The following CYP20A1 variants were observed in gnomAD, a reference collection of about 807,000 sequenced individuals.
CYP20A1 encodes the protein cytochrome P450 20A1.
Under a neutral mutation model 61.4 loss-of-function variants are expected in CYP20A1, and 61 were observed. That is an observed-to-expected ratio of 0.99 (90% CI 0.81 to 1.23). The LOEUF (loss-of-function observed/expected upper bound fraction) is 1.23. Among genes scored for constraint, CYP20A1 ranks in the 50% most tolerant of loss-of-function variants. The pLI is 0.00. For synonymous variants in CYP20A1, 193 were observed against 188.2 expected (o/e 1.03, Z -0.21); for missense variants, 530 against 542.4 (o/e 0.98, Z 0.23).
chr2:203,257,820 T>G (rs1041691416), intron 4 of CYP20A1, among the ~76,000 whole-genome samples: 1 of 149,524 alleles, frequency 6.7e-6, no homozygotes, highest in Non-Finnish European at 1.5e-5. Context: ...GGTTACTTAG[T>G]AGGTGTATAT....
chr2:203,296,760 T>C lies in CYP20A1; in HGVS notation c.1241T>C (p.Phe414Ser). 3.2e-6 allele frequency: 5 copies of C among 1,582,804 alleles called. No individual in the cohort carries two copies. The highest frequency in any genetic ancestry group is 4.3e-6 in the Non-Finnish European group (5 of 1,171,760). Residue 414 changes from phenylalanine (F) to serine (S), a missense_variant and splice_region_variant, in exon 13 of 13, where the codon TTT (phenylalanine) becomes TCT (serine). Physicochemically the swap from Phe to Ser is radical, Grantham distance 155 (BLOSUM62 -2). Transcript: ENST00000356079. ...TAATTGACTTTCTTCCTGACTAGGT[T>C]TGCATATATGGTGACCACAGTACTT... ...SGTQECPELR[F>S]AYMVTTVLLS...
intron 3 of CYP20A1, 149 bp from the exon 4 acceptor site, chr2:203,251,818 A>ATATATATAT (rs34132653): frequency 0.013 from 1,029 of 77,556 alleles, 39 homozygotes; most frequent in Non-Finnish European, 0.02. Flanking sequence ...TATATATATA[A>ATATATATAT]AAAATAAAAA....
chr2:203,248,665 T>G (rs942624273), intron 3 of CYP20A1, among the ~76,000 whole-genome samples: 3 of 152,198 alleles, frequency 2.0e-5, no homozygotes, highest in South Asian at 2.1e-4. Flanking sequence ...AATAAATGTT[T>G]TGGGGAATAT....
At chr2:203,287,215 CAAAAAAAAA>C (rs1168549640) in intron 9 of CYP20A1, among the ~76,000 whole-genome samples, 2 of 47,052 alleles carry the variant, frequency 4.3e-5, no homozygotes, top group South Asian at 1.1e-3. Flanking sequence ...GACCCTATCT[CAAAAAAAAA>C]AAAAAAAAAA....
chr2:203,246,823 G>T lies in CYP20A1; in HGVS notation c.191G>T (p.Arg64Ile). 1 of 1,614,124 alleles carries T rather than the reference G, an allele frequency of 6.2e-7. No homozygotes were observed. ...LHEFLVNLHE[R>I]YGPVVSFWFG... ...GAGTTCCTGGTTAATTTGCATGAGAGATATGGGCCTGTGGTCTCCTTCTGG... is the reference window on the plus strand; with the variant it reads ...GAGTTCCTGGTTAATTTGCATGAGATATATGGGCCTGTGGTCTCCTTCTGG... The change falls in exon 3 of 13, where the codon AGA (arginine) becomes ATA (isoleucine). Residue 64 changes from arginine to isoleucine, a missense_variant. Arg to Ile is a moderately conservative substitution (Grantham distance 97, BLOSUM62 -3). Coordinates refer to ENST00000356079, the MANE Select transcript of CYP20A1 (RefSeq NM_177538.3).
At chr2:203,287,215 CAAAAAAAA>C (rs1168549640) in intron 9 of CYP20A1, among the ~76,000 whole-genome samples, 8 of 47,070 alleles carry the variant, frequency 1.7e-4, no homozygotes, top group African/African-American at 4.5e-4. Flanking sequence ...GACCCTATCT[CAAAAAAAA>C]AAAAAAAAAA....
At chr2:203,285,497 G>A in intron 8 of CYP20A1, 115 bp from the exon 9 acceptor site, 1 of 1,182,632 alleles carries the variant, frequency 8.5e-7, no homozygotes, top group South Asian at 2.1e-5. Flanking sequence ...TCTATATCAT[G>A]GGAGAAAAAA....
chr2:203,288,566 C>G lies in CYP20A1; in HGVS notation c.972-1199C>G, dbSNP rs2068399333. ...GTATCTCTTGTTTATTGTTGTAGCT[C>G]AGTATCTAGCACAGTGCTTCACATG... On this transcript the variant is annotated intron_variant, in intron 9 of 12. Coordinates refer to ENST00000356079, the MANE Select transcript of CYP20A1 (RefSeq NM_177538.3). 2.0e-5 allele frequency among the ~76,000 whole-genome samples: 3 copies of G among 152,104 alleles called. No homozygotes were observed. In the South Asian group the frequency reaches 6.2e-4, roughly 32 times the overall value.
rs765193828 is a variant in CYP20A1 at position 203,285,623 on chromosome 2, G to A, written c.862G>A (p.Ala288Thr). 23 of 1,589,482 alleles carry A rather than the reference G, an allele frequency of 1.4e-5. No homozygotes were observed. The highest frequency in any genetic ancestry group is 1.9e-5 in the Non-Finnish European group (22 of 1,173,696). Residue 288 changes from alanine (A) to threonine (T), a missense_variant, in exon 9 of 13, where the codon GCA (alanine) becomes ACA (threonine). Ala to Thr is a moderately conservative substitution (Grantham distance 58). Coordinates refer to ENST00000356079, the MANE Select transcript of CYP20A1 (RefSeq NM_177538.3). ...AATGTTTGACCTAGTGTGTACCTGG[G>A]CAATCTGTTTTTTAACCACCTCTGA... ...CIITAKLCTW[A>T]ICFLTTSEEV...
At chr2:203,294,869 G>T (rs189658326) in intron 11 of CYP20A1, among the ~76,000 whole-genome samples, 1 of 149,582 alleles carries the variant, frequency 6.7e-6, no homozygotes. Flanking sequence ...TTTTGACCTC[G>T]TGATCACCTG....
rs1234615050 is a variant in CYP20A1, at chr2:203,296,678, CT to C, written c.1239-79del. On this transcript the variant is annotated intron_variant, in intron 12 of 12. Transcript: ENST00000356079. ...TTTTATTATTATTGTACTTTAAGTT[CT>C]GGGGTTCATGTGCAGAACGTGCAGG... 9 of 1,471,360 alleles carry C rather than the reference CT, an allele frequency of 6.1e-6. No homozygotes were observed. The African/African-American group carries it at 1.0e-4, about 16-fold the overall frequency. The allele number at this position is 1,471,360 out of a possible 1,614,324, so 91.1% of individuals were successfully genotyped here. A position where few individuals can be genotyped will look rare whatever the true frequency, so the allele number is the denominator to read the frequency against.
In CYP20A1 at chr2:203,298,967, G is replaced by T. The variant is rs562688102; in HGVS notation, c.*2059G>T. ...GGAGAATCGCTTGAACCTGGGAGGC[G>T]GAGGTTGCAGTGAGCTGATGTTGTG... On this transcript the variant is annotated 3_prime_UTR_variant, in exon 13 of 13. Transcript: ENST00000356079. 1.3e-5 allele frequency among the ~76,000 whole-genome samples: 2 copies of T among 151,372 alleles called. No individual in the cohort carries two copies.
intron 9 of CYP20A1, among the ~76,000 whole-genome samples, chr2:203,286,253 G>C (rs572181897): frequency 1.3e-5 from 2 of 152,224 alleles, no homozygotes; most frequent in East Asian, 3.9e-4. Context: ...CTGCACTCCA[G>C]CCTGGGTTAC....
intron 4 of CYP20A1, 37 bp downstream of exon 4, chr2:203,252,146 C>A: frequency 1.3e-6 from 2 of 1,498,486 alleles, no homozygotes; most frequent in East Asian, 2.5e-5. Flanking sequence ...TGTTCTACAA[C>A]ATAAATAATA....
Position 203,300,004 on chromosome 2 carries a change from G to A in CYP20A1, c.*3096G>A, listed in dbSNP as rs1337078556. ...TACCTCGAATGGGTTGGAAACTGGC[G>A]GTAGAAGGTTAGAGTAGCCAATTGA... is the stretch of plus-strand genomic sequence containing the variant. On this transcript the variant is annotated 3_prime_UTR_variant, in exon 13 of 13. Transcript: ENST00000356079. Among the ~76,000 whole-genome samples the A allele has an allele frequency of 4.6e-5, 7 of 152,290 alleles. No homozygotes were observed. In the South Asian group the frequency reaches 6.2e-4, roughly 14 times the overall value.
chr2:203,269,758 T>C (rs989009445), intron 5 of CYP20A1, among the ~76,000 whole-genome samples: 13 of 151,976 alleles, frequency 8.6e-5, no homozygotes, highest in African/African-American at 3.1e-4. Context: ...CCTCCCAAAG[T>C]GCTGGGATTG....
Position 203,289,793 on chromosome 2 carries a change from G to C in CYP20A1, c.1000G>C (p.Val334Leu). The change falls in exon 10 of 13, where the codon GTT (valine) becomes CTT (leucine). Residue 334 changes from valine (V) to leucine (L), a missense_variant. Transcript: ENST00000356079. ...TTGTCAGCATGTGCTTTGTGAAACT[G>C]TTCGAACTGCCAAACTGACTCCAGT... ...RYCQHVLCET[V>L]RTAKLTPVSA... The C allele has an allele frequency of 6.3e-7, 1 of 1,588,606 alleles. No individual in the cohort carries two copies. Among genetic ancestry groups the C allele is most frequent in the Non-Finnish European group, 8.6e-7 (1 of 1,166,934 alleles).
chr2:203,251,818 A>ATGTATATATATATATATATATATATATAT (rs34132653), intron 3 of CYP20A1, 149 bp from the exon 4 acceptor site: 2 of 77,370 alleles, frequency 2.6e-5, no homozygotes, highest in African/African-American at 3.9e-5. Flanking sequence ...TATATATATA[A>ATGTATATATATATATATATATATATATAT]AAAATAAAAA....
intron 11 of CYP20A1, among the ~76,000 whole-genome samples, chr2:203,295,197 G>A (rs1016349973): frequency 6.8e-6 from 1 of 147,858 alleles, no homozygotes; most frequent in African/African-American, 2.5e-5. Context: ...CGCCTGCCTC[G>A]GCCTCCCAAA....
Sources: gnomAD v4.1 joint callset for allele counts (sites outside exome capture counted in the v4.1 genomes callset) on GRCh38, gnomAD v4.1.1 for gene constraint, MANE v1.5 for transcripts, NCBI Gene and HGNC (gene_info 2026-07-23, HGNC 2026-07-21) for gene names.